Variants in ARMC8 observed in about 807,000 individuals in gnomAD.
The protein encoded by ARMC8 is armadillo repeat-containing protein 8.
Under a neutral mutation model 99.3 loss-of-function variants are expected in ARMC8, and 20 were observed. The ratio of observed to expected loss-of-function variants is 0.20; its 90% CI spans 0.14 to 0.29. The LOEUF (loss-of-function observed/expected upper bound fraction) is 0.29. Among genes scored for constraint, ARMC8 ranks in the 10% least tolerant of loss-of-function variants. ARMC8 has a pLI of 1.00. For synonymous variants in ARMC8, 263 were observed against 278.3 expected, an observed-to-expected ratio of 0.95 and a Z score of 0.55; for missense variants, 569 against 809.5, an observed-to-expected ratio of 0.70 and a Z score of 3.60.
chr3:138,270,286 G>T (rs1167752822), intron 16 of ARMC8, among the ~76,000 whole-genome samples, 154 bp downstream of exon 16: 1 of 152,104 alleles, frequency 6.6e-6, no homozygotes, highest in Admixed American at 6.5e-5. Context: ...GACCTAGAAG[G>T]CTTAGTATTA....
At chr3:138,206,641 A>G (rs2044387915) in intron 1 of ARMC8, among the ~76,000 whole-genome samples, 1 of 152,102 alleles carries the variant, frequency 6.6e-6, no homozygotes, top group Non-Finnish European at 1.5e-5. Flanking sequence ...TATCTGTACA[A>G]ATTGCCTTCT....
intron 2 of ARMC8, among the ~76,000 whole-genome samples, chr3:138,216,133 C>T (rs1175312252): frequency 3.3e-5 from 5 of 151,400 alleles, no homozygotes; most frequent in East Asian, 1.9e-4. Flanking sequence ...GTGATCCGCC[C>T]GCCTCGGACT....
intron 12 of ARMC8, among the ~76,000 whole-genome samples, chr3:138,248,719 T>C (rs2046991216): frequency 1.3e-5 from 2 of 152,224 alleles, no homozygotes; most frequent in African/African-American, 2.4e-5. Flanking sequence ...GAAAAAGGAT[T>C]ATCCTCTCTT....
intron 21 of ARMC8, among the ~76,000 whole-genome samples, chr3:138,294,489 GTTC>G (rs957667492): frequency 2.6e-5 from 4 of 152,176 alleles, no homozygotes; most frequent in African/African-American, 9.7e-5. Context: ...AGAGCTTTCT[GTTC>G]TGATGGATTG....
At chr3:138,211,412 A>C (rs2044689992) in intron 2 of ARMC8, among the ~76,000 whole-genome samples, 1 of 152,228 alleles carries the variant, frequency 6.6e-6, no homozygotes, top group East Asian at 1.9e-4. Context: ...TGATATGAGT[A>C]GCTGATTCGA....
intron 12 of ARMC8, chr3:138,262,131 GAA>G: frequency 6.3e-6 from 1 of 158,020 alleles, no homozygotes; most frequent in Non-Finnish European, 1.4e-5. Flanking sequence ...GGAGGACAGT[GAA>G]AAAGGGAAAC....
At position 138,237,466 on chromosome 3, in the gene ARMC8, T is replaced by C. The variant is rs1381713498; in HGVS notation, c.686-16T>C. ...TAAAGAATTTCCTTAATCATTGTTG[T>C]TTGTTTTATTTCTAGTTTTGGTTGA... is the stretch of plus-strand genomic sequence containing the variant. On this transcript the variant is annotated splice_polypyrimidine_tract_variant and intron_variant, in intron 8 of 21. Coordinates refer to ENST00000469044, the MANE Select transcript of ARMC8 (RefSeq NM_001363941.2). 1.2e-6 allele frequency: 2 copies of C among 1,612,672 alleles called. No individual in the cohort carries two copies. The highest frequency in any genetic ancestry group is 1.3e-5 in the African/African-American group (1 of 74,878).
chr3:138,251,144 G>A (rs2047106754), intron 12 of ARMC8, among the ~76,000 whole-genome samples: 1 of 151,622 alleles, frequency 6.6e-6, no homozygotes, highest in Non-Finnish European at 1.5e-5. Flanking sequence ...TACAGCCTAG[G>A]TGACAGAGTG....
At chr3:138,276,076 G>T (rs187212848) in intron 18 of ARMC8, among the ~76,000 whole-genome samples, 1 of 152,166 alleles carries the variant, frequency 6.6e-6, no homozygotes, top group Non-Finnish European at 1.5e-5. Context: ...AGACAGAAAG[G>T]TGAGGCAAGA....
In ARMC8 at chr3:138,245,175, C is replaced by T. The variant is rs1450402393; in HGVS notation, c.1126C>T (p.Arg376Trp). 4 of 1,614,002 alleles carry T rather than the reference C, an allele frequency of 2.5e-6. No individual in the cohort carries two copies. The highest frequency in any genetic ancestry group is 1.7e-6 in the Non-Finnish European group (2 of 1,180,030). The change falls in exon 12 of 22, where the codon CGG becomes TGG. Residue 376 changes from arginine (R) to tryptophan (W), a missense_variant. Physicochemically the swap from Arg to Trp is moderately radical, Grantham distance 101. This residue lies in a region of ARMC8 where 227 missense variants were observed against 417.9 expected (regional missense o/e 0.54). Transcript: ENST00000469044. ...TCTTGGAGCAAATGATGAAGACATC[C>T]GGAAGAAGGTGAGTCTGGGAGAGGG... is the stretch of plus-strand genomic sequence containing the variant. ...ASLGANDEDI[R>W]KKIIETENMM...
chr3:138,191,826 A>G (rs1283502163), intron 1 of ARMC8, among the ~76,000 whole-genome samples: 6 of 152,192 alleles, frequency 3.9e-5, no homozygotes, highest in Non-Finnish European at 7.3e-5. Context: ...ATATTGTTGT[A>G]TGTAGCAGTA....
At position 138,235,008 on chromosome 3, in the gene ARMC8, T is replaced by C. The variant is rs750090587; in HGVS notation, c.529-26T>C. ...GAATGAGTCATTACTCTTCTAAATA[T>C]ATTGTTGTATTCTTTTTTCTTACAG... is the stretch of plus-strand genomic sequence containing the variant. On this transcript the variant is annotated intron_variant, in intron 6 of 21. Coordinates refer to ENST00000469044, the MANE Select transcript of ARMC8 (RefSeq NM_001363941.2). The C allele has an allele frequency of 3.8e-6, 6 of 1,579,444 alleles. No individual in the cohort carries two copies. In the Admixed American group the frequency reaches 5.0e-5, roughly 13 times the overall value.
chr3:138,286,872 C>A (rs1279786403), intron 19 of ARMC8, among the ~76,000 whole-genome samples: 1 of 152,194 alleles, frequency 6.6e-6, no homozygotes, highest in East Asian at 1.9e-4. Flanking sequence ...TCCGCCTGCC[C>A]TTTCAGCATC....
intron 19 of ARMC8, among the ~76,000 whole-genome samples, chr3:138,288,280 G>A (rs570709705): frequency 2.0e-5 from 3 of 152,290 alleles, no homozygotes; most frequent in South Asian, 2.1e-4. Flanking sequence ...ATTTGAATAA[G>A]ATAACCAGTA....
intron 2 of ARMC8, among the ~76,000 whole-genome samples, chr3:138,213,015 TAAC>T (rs2044792937): frequency 6.6e-6 from 1 of 152,214 alleles, no homozygotes; most frequent in Non-Finnish European, 1.5e-5. Flanking sequence ...CATGTGTAGT[TAAC>T]AGTTGCTTGG....
intron 1 of ARMC8, chr3:138,188,428 C>T: frequency 1.9e-6 from 3 of 1,549,398 alleles, no homozygotes; most frequent in Admixed American, 1.8e-5. Flanking sequence ...ACGACTTTCA[C>T]CTTTCACTAT....
chr3:138,278,419 G>A (rs984430248), intron 18 of ARMC8, among the ~76,000 whole-genome samples: 3 of 151,762 alleles, frequency 2.0e-5, no homozygotes, highest in African/African-American at 7.3e-5. Flanking sequence ...CAGGAGAATC[G>A]CTTGAACCTG....
At chr3:138,221,303 A>G (rs1351530137) in intron 2 of ARMC8, among the ~76,000 whole-genome samples, 1 of 152,232 alleles carries the variant, frequency 6.6e-6, no homozygotes, top group Non-Finnish European at 1.5e-5. Flanking sequence ...ATTTAAAAAT[A>G]TTGTATAACA....
At chr3:138,193,302 C>G (rs779351165) in intron 1 of ARMC8, among the ~76,000 whole-genome samples, 1 of 151,412 alleles carries the variant, frequency 6.6e-6, no homozygotes, top group Non-Finnish European at 1.5e-5. Flanking sequence ...GCTCTGTCAT[C>G]CGGGCTGGAG....
Sources: allele counts gnomAD v4.1 joint callset (sites outside exome capture counted in the v4.1 genomes callset), GRCh38; gene constraint gnomAD v4.1.1; regional missense constraint gnomAD v4.1.1; transcripts MANE v1.5; gene names NCBI Gene and HGNC (gene_info 2026-07-23, HGNC 2026-07-21).